The following ABCC4 variants were observed in gnomAD, a reference collection of about 807,000 sequenced individuals.
ABCC4 encodes ATP-binding cassette sub-family C member 4.
A neutral mutation model predicts 168.5 loss-of-function variants in ABCC4; 102 were observed. The observed-to-expected ratio is 0.61, with a 90% CI of 0.52 to 0.71. The LOEUF (loss-of-function observed/expected upper bound fraction) is 0.71, where lower values mean the gene tolerates loss of function less well. ABCC4 is among the 30% of genes least tolerant of loss of function. The pLI is 0.00. For synonymous variants in ABCC4, 617 were observed against 590.7 expected (o/e 1.04, Z -0.65); for missense variants, 1,402 against 1,605.8 (o/e 0.87, Z 2.17).
intron 30 of ABCC4, among the ~76,000 whole-genome samples, chr13:95,034,367 C>T (rs940352432): frequency 7.2e-5 from 11 of 152,220 alleles, no homozygotes; most frequent in Non-Finnish European, 1.0e-4. Context: ...CTTGGGCACA[C>T]GGCATGCACA....
chr13:95,273,276 T>C (rs1442906361), intron 1 of ABCC4, among the ~76,000 whole-genome samples: 1 of 152,170 alleles, frequency 6.6e-6, no homozygotes, highest in East Asian at 1.9e-4. Context: ...TTTGACAAGG[T>C]AGGGCCTCCC....
chr13:95,156,639 C>T (rs950428794), intron 19 of ABCC4, among the ~76,000 whole-genome samples: 3 of 152,078 alleles, frequency 2.0e-5, no homozygotes, highest in Non-Finnish European at 4.4e-5. Flanking sequence ...ATGCCCTATT[C>T]AACTCAGGTC....
chr13:95,173,981 A>C (rs1197204239), intron 13 of ABCC4, among the ~76,000 whole-genome samples: 1 of 152,182 alleles, frequency 6.6e-6, no homozygotes, highest in Admixed American at 6.5e-5. Context: ...CTGTAGAAAC[A>C]ATTTTCTATT....
intron 13 of ABCC4, among the ~76,000 whole-genome samples, chr13:95,171,107 A>G (rs539541713): frequency 7.8e-5 from 11 of 140,478 alleles, no homozygotes; most frequent in Admixed American, 2.3e-4. Context: ...GCCAGAGTGC[A>G]TTTTCCAGAC....
intron 26 of ABCC4, among the ~76,000 whole-genome samples, chr13:95,057,202 A>C (rs1339776760): frequency 1.3e-5 from 2 of 152,100 alleles, no homozygotes; most frequent in Non-Finnish European, 2.9e-5. Flanking sequence ...CTTCTTCCTG[A>C]AATTTTGAAT....
intron 1 of ABCC4, among the ~76,000 whole-genome samples, chr13:95,284,563 C>T (rs1026996588): frequency 6.6e-6 from 1 of 152,214 alleles, no homozygotes; most frequent in Non-Finnish European, 1.5e-5. Context: ...CCACAGGGAA[C>T]TGACAGTGTC....
intron 30 of ABCC4, among the ~76,000 whole-genome samples, chr13:95,029,197 TATATATATATATATATAG>T (rs2031706751): frequency 9.1e-5 from 7 of 77,172 alleles, no homozygotes; most frequent in African/African-American, 3.5e-4. Context: ...TATATATATA[TATATATATATATATATAG>T]AGAGAGAGAG....
intron 20 of ABCC4, among the ~76,000 whole-genome samples, chr13:95,106,096 G>C (rs550572736): frequency 7.9e-5 from 12 of 152,198 alleles, no homozygotes; most frequent in African/African-American, 2.9e-4. Context: ...CTGCCACTTA[G>C]CTGCTCAAAG....
intron 15 of ABCC4, 107 bp from the exon 16 acceptor site, chr13:95,164,625 A>G (rs1433194884): frequency 8.3e-7 from 1 of 1,204,190 alleles, no homozygotes; most frequent in Non-Finnish European, 1.2e-6. Flanking sequence ...CAGAAGTCCA[A>G]AATGATCCAT....
intron 15 of ABCC4, 50 bp downstream of exon 15, chr13:95,166,108 C>A: frequency 6.7e-7 from 1 of 1,486,264 alleles, no homozygotes; most frequent in Non-Finnish European, 9.4e-7. Flanking sequence ...TCCATAAGGC[C>A]ATTAACAGTG....
At chr13:95,079,927 C>G (rs1030962788) in intron 21 of ABCC4, among the ~76,000 whole-genome samples, 4 of 152,212 alleles carry the variant, frequency 2.6e-5, no homozygotes, top group African/African-American at 7.2e-5. Flanking sequence ...GGACTCATAT[C>G]TGTTTTATTT....
At chr13:95,137,704 A>G (rs2036185850) in intron 19 of ABCC4, among the ~76,000 whole-genome samples, 1 of 152,200 alleles carries the variant, frequency 6.6e-6, no homozygotes, top group Non-Finnish European at 1.5e-5. Context: ...TTCAGGCCCC[A>G]TCCAGAACAC....
At chr13:95,095,791 A>C (rs1359321190) in intron 20 of ABCC4, 1 of 193,170 alleles carries the variant, frequency 5.2e-6, no homozygotes, top group Non-Finnish European at 1.0e-5. Context: ...AAGTATGTTT[A>C]TGAAAACACA....
rs540880624 is a variant in ABCC4, at chr13:95,210,383, C to T, written c.621+309G>A. Among the ~76,000 whole-genome samples, 35 of 152,322 alleles carry T rather than the reference C, an allele frequency of 2.3e-4. No homozygotes were observed. The South Asian group carries it at 6.0e-3, about 26-fold the overall frequency. Reference sequence around the variant, plus strand: ...CATGAGCATGATAATCGGGTGTTCACGCACTTGTGTGAGATGTGCCACCCT... The same window carrying T: ...CATGAGCATGATAATCGGGTGTTCATGCACTTGTGTGAGATGTGCCACCCT... On this transcript the variant is annotated intron_variant, in intron 5 of 30. Transcript: ENST00000645237.
At chr13:95,201,888 G>T (rs2139662352) in intron 8 of ABCC4, among the ~76,000 whole-genome samples, 1 of 152,308 alleles carries the variant, frequency 6.6e-6, no homozygotes, top group South Asian at 2.1e-4. Context: ...CAGGAGAATT[G>T]CTTGAACCCG....
At chr13:95,264,835 G>A (rs1327816408) in intron 1 of ABCC4, among the ~76,000 whole-genome samples, 1 of 149,018 alleles carries the variant, frequency 6.7e-6, no homozygotes, top group Non-Finnish European at 1.5e-5. Context: ...CTAAAATTTA[G>A]GTATAAGGGG....
intron 20 of ABCC4, among the ~76,000 whole-genome samples, chr13:95,112,058 A>G (rs1449759955): frequency 6.6e-6 from 1 of 152,224 alleles, no homozygotes; most frequent in Non-Finnish European, 1.5e-5. Context: ...TCTGGATTAA[A>G]AAGGTCACAT....
chr13:95,138,825 C>T (rs571614394), intron 19 of ABCC4, among the ~76,000 whole-genome samples: 1 of 152,240 alleles, frequency 6.6e-6, no homozygotes, highest in Non-Finnish European at 1.5e-5. Flanking sequence ...CCTTTATCTG[C>T]CCTGCATGGC....
intron 11 of ABCC4, among the ~76,000 whole-genome samples, chr13:95,185,000 T>C (rs1356289375): frequency 1.3e-5 from 2 of 152,190 alleles, no homozygotes; most frequent in Non-Finnish European, 2.9e-5. Context: ...AAAATGGATC[T>C]TCAGGGAAGC....
Sources: allele counts gnomAD v4.1 joint callset (sites outside exome capture counted in the v4.1 genomes callset), GRCh38; gene constraint gnomAD v4.1.1; transcripts MANE v1.5; gene names NCBI Gene and HGNC (gene_info 2026-07-23, HGNC 2026-07-21).